TBCA: variants seen among roughly 807,000 people sequenced by gnomAD.
TBCA encodes the protein tubulin folding cofactor A.
In TBCA, 6 loss-of-function variants were observed where a neutral mutation model predicts 15.8. The observed-to-expected ratio is 0.38, with a 90% confidence interval of 0.21 to 0.75. The LOEUF (loss-of-function observed/expected upper bound fraction) is 0.75. Among genes scored for constraint, TBCA ranks in the 30% least tolerant of loss-of-function variants. TBCA has a pLI of 0.46. For synonymous variants in TBCA, 32 were observed against 42.3 expected, an observed-to-expected ratio of 0.76 and a Z score of 0.94; for missense variants, 90 against 131.2, an observed-to-expected ratio of 0.69 and a Z score of 1.53.
intron 1 of TBCA, among the ~76,000 whole-genome samples, chr5:77,738,078 A>G (rs1302378070): frequency 6.6e-6 from 1 of 152,224 alleles, no homozygotes; most frequent in Non-Finnish European, 1.5e-5. Flanking sequence ...AGAGGCATGA[A>G]GGCTTAAGCT....
chr5:77,692,099 A>G (rs1745763368), intron 3 of TBCA: 2 of 982,844 alleles, frequency 2.0e-6, no homozygotes, highest in African/African-American at 1.7e-5. Context: ...TTTTACTAAT[A>G]TATTGTAATG....
chr5:77,709,599 G>A (rs935734318), intron 1 of TBCA, among the ~76,000 whole-genome samples: 1 of 152,106 alleles, frequency 6.6e-6, no homozygotes, highest in African/African-American at 2.4e-5. Context: ...ATCAAAATTG[G>A]TATAGTAGCT....
intron 1 of TBCA, among the ~76,000 whole-genome samples, chr5:77,734,579 T>C (rs1306293920): frequency 6.6e-6 from 1 of 152,190 alleles, no homozygotes. Flanking sequence ...TGATAAAATT[T>C]AATGGCAAGA....
chr5:77,705,860 A>G (rs1261435891), intron 2 of TBCA, among the ~76,000 whole-genome samples: 1 of 152,146 alleles, frequency 6.6e-6, no homozygotes. Context: ...TTAAAAAATA[A>G]AGGGGACATA....
At chr5:77,748,156 A>G (rs1004015301) in intron 1 of TBCA, among the ~76,000 whole-genome samples, 4 of 152,188 alleles carry the variant, frequency 2.6e-5, no homozygotes, top group Non-Finnish European at 4.4e-5. Flanking sequence ...AGTTCACTGA[A>G]CCTAGTTTCA....
At chr5:77,718,556 T>C (rs1411526476) in intron 1 of TBCA, among the ~76,000 whole-genome samples, 1 of 152,204 alleles carries the variant, frequency 6.6e-6, no homozygotes, top group Non-Finnish European at 1.5e-5. Context: ...GTGCTAATGG[T>C]CTATACAGTA....
At chr5:77,727,220 C>A in intron 1 of TBCA, among the ~76,000 whole-genome samples, 2 of 120,434 alleles carry the variant, frequency 1.7e-5, no homozygotes, top group African/African-American at 3.2e-5. Context: ...CTGGGAGACA[C>A]AGTGAGACTC....
chr5:77,752,472 T>C (rs577537067), intron 1 of TBCA, among the ~76,000 whole-genome samples: 8 of 152,350 alleles, frequency 5.3e-5, no homozygotes, highest in Admixed American at 2.0e-4. Flanking sequence ...CAAATGATCC[T>C]ACTGCCTCAG....
intron 1 of TBCA, among the ~76,000 whole-genome samples, chr5:77,732,155 C>T (rs1190892661): frequency 9.2e-5 from 14 of 152,108 alleles, no homozygotes; most frequent in Non-Finnish European, 2.1e-4. Flanking sequence ...TAATCTGAAA[C>T]ACTCCTGAAA....
At chr5:77,723,728 T>C (rs990515231) in intron 1 of TBCA, among the ~76,000 whole-genome samples, 3 of 152,058 alleles carry the variant, frequency 2.0e-5, no homozygotes, top group Non-Finnish European at 2.9e-5. Flanking sequence ...ATTTATGTTA[T>C]ATGCTGTGGT....
chr5:77,695,638 C>T (rs73768425), intron 2 of TBCA, among the ~76,000 whole-genome samples: 10,823 of 152,126 alleles, frequency 0.071, 537 homozygotes, highest in African/African-American at 0.14. Context: ...TGTAAAGATA[C>T]CCCCCAAAAC....
intron 1 of TBCA, among the ~76,000 whole-genome samples, chr5:77,725,619 G>A (rs1270365747): frequency 6.6e-6 from 1 of 152,200 alleles, no homozygotes; most frequent in African/African-American, 2.4e-5. Flanking sequence ...CATCAGCCGC[G>A]TATGCCTCAG....
chr5:77,740,727 A>G (rs1050428483), intron 1 of TBCA, among the ~76,000 whole-genome samples: 1 of 152,228 alleles, frequency 6.6e-6, no homozygotes, highest in African/African-American at 2.4e-5. Context: ...GAGCATATTG[A>G]TAACTGAGGT....
At chr5:77,759,431 G>A (rs1747552963) in intron 1 of TBCA, among the ~76,000 whole-genome samples, 1 of 152,120 alleles carries the variant, frequency 6.6e-6, no homozygotes, top group Non-Finnish European at 1.5e-5. Context: ...AGGTATGTGC[G>A]ACTCCTACTT....
chr5:77,773,401 A>G (rs184230089), intron 1 of TBCA, among the ~76,000 whole-genome samples: 17 of 152,274 alleles, frequency 1.1e-4, no homozygotes, highest in Non-Finnish European at 1.9e-4. Flanking sequence ...TGAGAATCCA[A>G]ACAGTATTAT....
At chr5:77,751,159 C>CTTTTT (rs10573352) in intron 1 of TBCA, among the ~76,000 whole-genome samples, 17 of 81,836 alleles carry the variant, frequency 2.1e-4, no homozygotes, top group South Asian at 9.0e-4. Flanking sequence ...TTCTTTCTTT[C>CTTTTT]TTTTTTTTTT....
intron 1 of TBCA, among the ~76,000 whole-genome samples, chr5:77,770,775 CAACT>C (rs1162221672): frequency 6.6e-6 from 1 of 151,558 alleles, no homozygotes; most frequent in African/African-American, 2.4e-5. Flanking sequence ...CCAAACCTGC[CAACT>C]AATACCCACT....
At chr5:77,770,352 A>C (rs556936912) in intron 1 of TBCA, among the ~76,000 whole-genome samples, 1 of 152,244 alleles carries the variant, frequency 6.6e-6, no homozygotes, top group African/African-American at 2.4e-5. Context: ...TTTTAAATTA[A>C]GGTACAACAT....
chr5:77,720,366 T>C (rs887851113), intron 1 of TBCA, among the ~76,000 whole-genome samples: 3 of 152,008 alleles, frequency 2.0e-5, no homozygotes, highest in African/African-American at 4.8e-5. Flanking sequence ...AATAGCTAAG[T>C]TGTCTGCAAG....
Sources: allele counts gnomAD v4.1 joint callset (sites outside exome capture counted in the v4.1 genomes callset), GRCh38; gene constraint gnomAD v4.1.1; transcripts MANE v1.5; gene names NCBI Gene and HGNC (gene_info 2026-07-23, HGNC 2026-07-21).